Variants in SLC6A11 observed in about 807,000 individuals in gnomAD.
SLC6A11 encodes solute carrier family 6 member 11.
Under a neutral mutation model 74.8 loss-of-function variants are expected in SLC6A11, and 25 were observed. The ratio of observed to expected loss-of-function variants is 0.33; its 90% CI spans 0.24 to 0.47. The LOEUF is 0.47. SLC6A11 is among the 20% of genes least tolerant of loss of function. The pLI is 1.00. For synonymous variants in SLC6A11, 330 were observed against 330.2 expected (o/e 1.00, Z 0.01); for missense variants, 574 against 837.0 (o/e 0.69, Z 3.88).
At chr3:10,929,812 G>A (rs2106633625) in intron 10 of SLC6A11, among the ~76,000 whole-genome samples, 1 of 152,282 alleles carries the variant, frequency 6.6e-6, no homozygotes, top group East Asian at 1.9e-4. Context: ...GGACTTCTAT[G>A]CGTGCCCCTC....
intron 7 of SLC6A11, among the ~76,000 whole-genome samples, chr3:10,912,837 T>C (rs980030510): frequency 1.3e-5 from 2 of 152,056 alleles, no homozygotes; most frequent in African/African-American, 2.4e-5. Context: ...AGTGCTGATC[T>C]AGGATGATGG....
intron 6 of SLC6A11, among the ~76,000 whole-genome samples, chr3:10,909,400 C>G (rs1415915650): frequency 1.3e-5 from 2 of 152,108 alleles, no homozygotes; most frequent in African/African-American, 4.8e-5. Flanking sequence ...AAGTGAAAAT[C>G]ATTGGTTTGG....
intron 5 of SLC6A11, among the ~76,000 whole-genome samples, chr3:10,847,782 G>C (rs1251071966): frequency 6.6e-6 from 1 of 152,150 alleles, no homozygotes; most frequent in Non-Finnish European, 1.5e-5. Context: ...GTTATGACTT[G>C]CTTCACTTTG....
intron 4 of SLC6A11, among the ~76,000 whole-genome samples, chr3:10,833,354 G>A (rs1694322913): frequency 6.6e-6 from 1 of 152,222 alleles, no homozygotes; most frequent in African/African-American, 2.4e-5. Flanking sequence ...GAGCCACCAT[G>A]CCTGGCCCAC....
intron 6 of SLC6A11, among the ~76,000 whole-genome samples, chr3:10,881,100 A>G (rs1357027169): frequency 6.6e-6 from 1 of 152,158 alleles, no homozygotes; most frequent in Non-Finnish European, 1.5e-5. Flanking sequence ...TGTGCCTTTT[A>G]TACATTAGAG....
At chr3:10,823,714 C>A in intron 4 of SLC6A11, 1 of 268,204 alleles carries the variant, frequency 3.7e-6, no homozygotes, top group Non-Finnish European at 7.3e-6. Context: ...AGCCTGTTTG[C>A]AATAAGCTAA....
At chr3:10,877,265 A>G (rs1237455259) in intron 6 of SLC6A11, among the ~76,000 whole-genome samples, 1 of 152,158 alleles carries the variant, frequency 6.6e-6, no homozygotes, top group Non-Finnish European at 1.5e-5. Flanking sequence ...TTACCTACAT[A>G]TTTGGTAATT....
chr3:10,846,041 G>C (rs978737773), intron 5 of SLC6A11, among the ~76,000 whole-genome samples: 8 of 152,202 alleles, frequency 5.3e-5, no homozygotes, highest in Non-Finnish European at 1.0e-4. Flanking sequence ...AGACAGGATT[G>C]ATAAGTGAGC....
At chr3:10,864,314 A>C (rs1694738279) in intron 5 of SLC6A11, among the ~76,000 whole-genome samples, 1 of 151,314 alleles carries the variant, frequency 6.6e-6, no homozygotes. Flanking sequence ...CTGACAGGAA[A>C]ACACCCCTCC....
chr3:10,883,671 C>T (rs1695009033), intron 6 of SLC6A11, among the ~76,000 whole-genome samples: 1 of 152,138 alleles, frequency 6.6e-6, no homozygotes, highest in African/African-American at 2.4e-5. Flanking sequence ...ACCTGCTGAA[C>T]CTCACAGATG....
intron 8 of SLC6A11, among the ~76,000 whole-genome samples, chr3:10,922,107 A>G (rs879895941): frequency 2.6e-5 from 4 of 152,218 alleles, no homozygotes; most frequent in African/African-American, 4.8e-5. Context: ...GATCTGAACA[A>G]TACTATCAAC....
intron 3 of SLC6A11, among the ~76,000 whole-genome samples, chr3:10,823,057 G>C (rs890341905): frequency 3.3e-5 from 5 of 152,172 alleles, no homozygotes; most frequent in African/African-American, 9.7e-5. Flanking sequence ...CAGTTTGATA[G>C]GGAGTGTTGG....
intron 6 of SLC6A11, among the ~76,000 whole-genome samples, chr3:10,911,276 G>A (rs977153109): frequency 6.6e-6 from 1 of 152,206 alleles, no homozygotes; most frequent in Non-Finnish European, 1.5e-5. Flanking sequence ...AGTCTCATCA[G>A]CTGCATTTTG....
At chr3:10,879,704 A>G (rs775954775) in intron 6 of SLC6A11, among the ~76,000 whole-genome samples, 16 of 152,154 alleles carry the variant, frequency 1.1e-4, no homozygotes, top group Non-Finnish European at 2.4e-4. Context: ...TCATGGCTTT[A>G]TTGCTATTAT....
intron 5 of SLC6A11, among the ~76,000 whole-genome samples, chr3:10,857,788 CATAA>C (rs1260877057): frequency 6.6e-6 from 1 of 152,124 alleles, no homozygotes; most frequent in Non-Finnish European, 1.5e-5. Context: ...AAACGCAACT[CATAA>C]ATAATCTGCC....
At chr3:10,874,885 A>AG in intron 5 of SLC6A11, 76 bp from the exon 6 acceptor site, 1 of 1,444,492 alleles carries the variant, frequency 6.9e-7, no homozygotes, top group Non-Finnish European at 9.4e-7. Flanking sequence ...CATGCACCCA[A>AG]AGGACATTGT....
chr3:10,883,495 C>T (rs1695006919), intron 6 of SLC6A11, among the ~76,000 whole-genome samples: 1 of 152,186 alleles, frequency 6.6e-6, no homozygotes, highest in Admixed American at 6.5e-5. Flanking sequence ...CCCAGATCCA[C>T]CTCCTCTGTG....
intron 5 of SLC6A11, among the ~76,000 whole-genome samples, chr3:10,862,641 TC>T (rs1237213844): frequency 6.6e-6 from 1 of 152,234 alleles, no homozygotes; most frequent in Non-Finnish European, 1.5e-5. Context: ...TTAAGGACTT[TC>T]TTCATGTAGC....
rs1299964854 is a variant in SLC6A11 at position 10,935,118 on chromosome 3, G to A, written c.1665G>A (p.Trp555Ter). The change falls in exon 13 of 14, where the codon TGG becomes TGA. Residue 555 changes from tryptophan to a stop codon, truncating the protein, a stop_gained. Coordinates refer to ENST00000254488, the MANE Select transcript of SLC6A11 (RefSeq NM_014229.3). LOFTEE classifies it high-confidence loss of function. ...TYPAWGYGIGWLMALSSMLCI... is the reference protein window; with the variant it reads ...TYPAWGYGIG The stretch of plus-strand genomic sequence containing the variant: ...CAGCCTGGGGCTATGGCATTGGCTG[G>A]CTCATGGCCCTGTCCTCCATGCTCT... The A allele has an allele frequency of 6.2e-7, 1 of 1,614,158 alleles. No homozygotes were observed. Among genetic ancestry groups the A allele is most frequent in the Non-Finnish European group, 8.5e-7 (1 of 1,179,978 alleles).
Sources: allele counts gnomAD v4.1 joint callset (sites outside exome capture counted in the v4.1 genomes callset), GRCh38; gene constraint gnomAD v4.1.1; transcripts MANE v1.5; gene names NCBI Gene and HGNC (gene_info 2026-07-23, HGNC 2026-07-21).